The following EDEM3 variants were observed in gnomAD, a reference collection of about 807,000 sequenced individuals.
EDEM3 encodes the protein ER degradation-enhancing alpha-mannosidase-like protein 3.
In EDEM3, 60 loss-of-function variants were observed where a neutral mutation model predicts 110.2. The observed-to-expected ratio is 0.54, with a 90% CI of 0.44 to 0.67. The LOEUF (loss-of-function observed/expected upper bound fraction) is 0.67, where lower values mean the gene tolerates loss of function less well. EDEM3 is among the 30% of genes least tolerant of loss of function. The pLI, the probability that EDEM3 is intolerant of heterozygous loss-of-function variation, is 0.00. For synonymous variants in EDEM3, 352 were observed against 382.9 expected (o/e 0.92, Z 0.94); for missense variants, 996 against 1,121.0 (o/e 0.89, Z 1.59).
At chr1:184,695,018 G>C (rs1649256853) in intron 19 of EDEM3, among the ~76,000 whole-genome samples, 1 of 151,908 alleles carries the variant, frequency 6.6e-6, no homozygotes, top group Non-Finnish European at 1.5e-5. Context: ...ACTTTCACAA[G>C]ACAAGAACTG....
chr1:184,736,878 C>A, intron 4 of EDEM3, 147 bp downstream of exon 4: 1 of 615,542 alleles, frequency 1.6e-6, no homozygotes, highest in Non-Finnish European at 2.8e-6. Context: ...ATCAACTCAA[C>A]AGTGTAAAAG....
chr1:184,721,438 T>A (rs537808825), intron 8 of EDEM3, 52 bp from the exon 9 acceptor site: 10 of 1,438,110 alleles, frequency 7.0e-6, no homozygotes, highest in South Asian at 4.0e-5. Flanking sequence ...AACCGTTAAA[T>A]TTTTTTAAAA....
chr1:184,693,276 T>A lies in EDEM3; in HGVS notation c.*787A>T, dbSNP rs967705092. On this transcript the variant is annotated 3_prime_UTR_variant, in exon 20 of 20. Transcript: ENST00000318130. ...ACAGCTTTCCCTATGGAAGGCCCAA[T>A]GGGAGGTTCATATTGCAACATTACA... The A allele has an allele frequency of 6.5e-6, 1 of 154,760 alleles. No homozygotes were observed. The highest frequency in any genetic ancestry group is 1.5e-5 in the Non-Finnish European group (1 of 68,188). The allele number at this position is 154,760 out of a possible 1,614,324, so 9.6% of individuals were successfully genotyped here. A position where few individuals can be genotyped will look rare whatever the true frequency, so the allele number is the denominator to read the frequency against.
intron 1 of EDEM3, among the ~76,000 whole-genome samples, chr1:184,753,203 T>C (rs1160202835): frequency 1.3e-5 from 2 of 149,118 alleles, no homozygotes; most frequent in African/African-American, 5.1e-5. Context: ...GAGCTCAGAT[T>C]TTTTTTTTCT....
At chr1:184,745,266 T>C (rs1331925140) in intron 2 of EDEM3, among the ~76,000 whole-genome samples, 1 of 152,120 alleles carries the variant, frequency 6.6e-6, no homozygotes, top group African/African-American at 2.4e-5. Context: ...TAGGATGTTC[T>C]GAAAGCAAAG....
At chr1:184,735,976 A>G (rs1651799839) in intron 4 of EDEM3, among the ~76,000 whole-genome samples, 1 of 152,218 alleles carries the variant, frequency 6.6e-6, no homozygotes, top group South Asian at 2.1e-4. Context: ...CAAGGCACAC[A>G]GTATTTTCTC....
rs182137582 is a variant in EDEM3, at chr1:184,711,503, T to C, written c.1691+220A>G. Among the ~76,000 whole-genome samples the C allele has an allele frequency of 5.9e-5, 9 of 152,292 alleles. No individual in the cohort carries two copies. The East Asian group carries it at 9.6e-4, about 16-fold the overall frequency. ...ACCTTAGTTCATAAAATAAAAGATA[T>C]ATTGAAAGTTTCCAAAATAATAAAA... On this transcript the variant is annotated intron_variant, in intron 15 of 19. Coordinates refer to ENST00000318130, the MANE Select transcript of EDEM3 (RefSeq NM_025191.4).
At chr1:184,750,198 C>CT (rs981632748) in intron 1 of EDEM3, among the ~76,000 whole-genome samples, 10 of 152,258 alleles carry the variant, frequency 6.6e-5, no homozygotes, top group African/African-American at 2.4e-4. Context: ...TCTAAAAAAA[C>CT]TGTCAAAAAT....
At chr1:184,719,659 T>C (rs550881322) in intron 9 of EDEM3, 91 bp from the exon 10 acceptor site, 1 of 1,238,192 alleles carries the variant, frequency 8.1e-7, no homozygotes, top group African/African-American at 1.5e-5. Flanking sequence ...TAAATTAAAC[T>C]AGAATTTATA....
chr1:184,706,944 C>T, intron 17 of EDEM3, 136 bp from the exon 18 acceptor site: 1 of 890,732 alleles, frequency 1.1e-6, no homozygotes, highest in Non-Finnish European at 1.6e-6. Flanking sequence ...CATATAGTCA[C>T]CATAAAATAT....
At chr1:184,740,862 T>G (rs2102124639) in intron 2 of EDEM3, among the ~76,000 whole-genome samples, 1 of 152,264 alleles carries the variant, frequency 6.6e-6, no homozygotes, top group South Asian at 2.1e-4. Flanking sequence ...ACATAAAGGT[T>G]GAAGATGTCA....
chr1:184,696,949 T>A (rs1360883748), intron 19 of EDEM3, among the ~76,000 whole-genome samples: 1 of 151,908 alleles, frequency 6.6e-6, no homozygotes. Context: ...AGTAGAATAA[T>A]CAATGTAAAT....
chr1:184,754,256 C>A (rs893834138), intron 1 of EDEM3, among the ~76,000 whole-genome samples: 1 of 152,218 alleles, frequency 6.6e-6, no homozygotes, highest in Admixed American at 6.5e-5. Flanking sequence ...CTTCAAGGAG[C>A]CTGCACATGT....
intron 18 of EDEM3, 141 bp from the exon 19 acceptor site, chr1:184,703,137 C>T: frequency 1.5e-6 from 1 of 669,104 alleles, no homozygotes; most frequent in Non-Finnish European, 2.3e-6. Flanking sequence ...TTTTTGGACC[C>T]ATTAATTCTC....
At chr1:184,751,125 C>A (rs1213407927) in intron 1 of EDEM3, among the ~76,000 whole-genome samples, 3 of 77,012 alleles carry the variant, frequency 3.9e-5, no homozygotes, top group African/African-American at 8.5e-5. Context: ...CTTACCACCA[C>A]TTTGCTAAAG....
intron 2 of EDEM3, among the ~76,000 whole-genome samples, chr1:184,743,986 G>GA (rs533956078): frequency 5.2e-4 from 76 of 145,738 alleles, no homozygotes; most frequent in African/African-American, 1.5e-3. Context: ...GAACATCTAG[G>GA]AAAAAAAAAC....
At chr1:184,695,102 G>GC (rs2102051617) in intron 19 of EDEM3, among the ~76,000 whole-genome samples, 1 of 152,050 alleles carries the variant, frequency 6.6e-6, no homozygotes, top group South Asian at 2.1e-4. Flanking sequence ...CCACTGGAAG[G>GC]CTGAAGAGTG....
chr1:184,719,613 A>G, intron 9 of EDEM3, 45 bp from the exon 10 acceptor site: 1 of 1,607,148 alleles, frequency 6.2e-7, no homozygotes, highest in Non-Finnish European at 8.5e-7. Flanking sequence ...ATGAAAAAAG[A>G]GGTACTACTC....
At chr1:184,737,258 C>T (rs993291362) in intron 3 of EDEM3, among the ~76,000 whole-genome samples, 194 bp from the exon 4 acceptor site, 8 of 152,100 alleles carry the variant, frequency 5.3e-5, no homozygotes, top group Non-Finnish European at 7.4e-5. Flanking sequence ...AATGAATCTA[C>T]GTATCTTCAA....
Sources: gnomAD v4.1 joint callset for allele counts (sites outside exome capture counted in the v4.1 genomes callset) on GRCh38, gnomAD v4.1.1 for gene constraint, MANE v1.5 for transcripts, NCBI Gene and HGNC (gene_info 2026-07-23, HGNC 2026-07-21) for gene names.